Variants in TENM1 observed in about 807,000 individuals in gnomAD.
TENM1 encodes the protein teneurin transmembrane protein 1, also known as teneurin-1.
TENM1 carries 35 observed loss-of-function variants against 174.8 expected under a neutral mutation model. The observed-to-expected ratio is 0.20, with a 90% confidence interval of 0.15 to 0.27. The LOEUF is 0.27. Among genes scored for constraint, TENM1 ranks in the 10% least tolerant of loss-of-function variants. The pLI is 1.00. For missense variants in TENM1, 1,633 were observed against 2,130.1 expected, an observed-to-expected ratio of 0.77 and a Z score of 4.59; for synonymous variants, 781 against 798.7, an observed-to-expected ratio of 0.98 and a Z score of 0.37.
chrX:124,949,295 G>A (rs1012073007), intron 1 of TENM1, among the ~76,000 whole-genome samples: 1 of 111,899 alleles, frequency 8.9e-6, no homozygotes, highest in Non-Finnish European at 1.9e-5. Context: ...GCACCACAGC[G>A]AGGAAACATC....
chrX:124,437,674 C>A (rs2147796451), intron 23 of TENM1, among the ~76,000 whole-genome samples: 1 of 111,977 alleles, frequency 8.9e-6, no homozygotes, highest in East Asian at 2.8e-4. Context: ...TAGATATTTA[C>A]TATTAAATTT....
intron 18 of TENM1, among the ~76,000 whole-genome samples, chrX:124,514,395 A>C (rs1194114820): frequency 2.7e-5 from 3 of 111,524 alleles, no homozygotes; most frequent in Non-Finnish European, 5.7e-5. Flanking sequence ...ACTATTTAAA[A>C]GATCAAAAAA....
At chrX:125,147,007 TACAC>T in the TENM1 span, among the ~76,000 whole-genome samples, 2 of 110,490 alleles carry the variant, frequency 1.8e-5, no homozygotes, top group Non-Finnish European at 3.8e-5. Flanking sequence ...ATATGAAATA[TACAC>T]ACACATACAA....
intron 20 of TENM1, among the ~76,000 whole-genome samples, chrX:124,488,525 T>C (rs1954960455): frequency 1.8e-5 from 2 of 112,379 alleles, no homozygotes; most frequent in African/African-American, 6.5e-5. Context: ...GTAGGTATCC[T>C]GTGGGTTGAA....
chrX:124,548,654 C>G (rs900520788), intron 14 of TENM1, among the ~76,000 whole-genome samples: 1 of 111,611 alleles, frequency 9.0e-6, no homozygotes, highest in African/African-American at 3.3e-5. Context: ...TCTTGGCTTG[C>G]CTTGGAATAG....
At chrX:124,594,411 T>A (rs2049840434) in intron 11 of TENM1, among the ~76,000 whole-genome samples, 1 of 110,722 alleles carries the variant, frequency 9.0e-6, no homozygotes, top group African/African-American at 3.3e-5. Flanking sequence ...AATAGCCAAA[T>A]GCCATAGAGT....
At chrX:124,846,732 T>C (rs1384834096) in intron 3 of TENM1, among the ~76,000 whole-genome samples, 2 of 111,455 alleles carry the variant, frequency 1.8e-5, no homozygotes, top group Non-Finnish European at 3.8e-5. Flanking sequence ...AAATAATCTT[T>C]TGAAAAAAGA....
Position 124,807,916 on chromosome X carries a change from C to CACACACACACACAA in TENM1, c.536-70720_536-70719insTTGTGTGTGTGTGT, listed in dbSNP as rs746369843. ...ACACACACACACACACACACACACA[C>CACACACACACACAA]ACAGAGGAAGGAAGGTACCAAAGAA... On this transcript the variant is annotated intron_variant, in intron 3 of 31. Transcript: ENST00000422452. Among the ~76,000 whole-genome samples the CACACACACACACAA allele has an allele frequency of 4.0e-3, 430 of 106,893 alleles. 6 individuals are homozygous for CACACACACACACAA. Among genetic ancestry groups the CACACACACACACAA allele is most frequent in the African/African-American group, 0.014 (405 of 28,847 alleles). 92.8% of individuals were successfully genotyped at this position (106,893 alleles called of 115,157 possible).
intron 1 of TENM1, among the ~76,000 whole-genome samples, chrX:124,935,620 C>A (rs1246743341): frequency 8.9e-6 from 1 of 112,855 alleles, no homozygotes; most frequent in Non-Finnish European, 1.9e-5. Flanking sequence ...AGAGACCCAA[C>A]AAATGTTTAC....
chrX:124,576,866 A>G (rs2049177296), intron 11 of TENM1, among the ~76,000 whole-genome samples: 1 of 111,531 alleles, frequency 9.0e-6, no homozygotes, highest in African/African-American at 3.3e-5. Flanking sequence ...AATTTTTGTT[A>G]GTCCCCTTAA....
intron 11 of TENM1, among the ~76,000 whole-genome samples, chrX:124,567,999 T>C (rs2048977943): frequency 8.9e-6 from 1 of 112,180 alleles, no homozygotes; most frequent in South Asian, 3.7e-4. Context: ...CTGATTTCTG[T>C]TTGAAAAGTA....
chrX:124,712,783 T>C (rs2053090531), intron 4 of TENM1, among the ~76,000 whole-genome samples: 1 of 111,987 alleles, frequency 8.9e-6, no homozygotes, highest in African/African-American at 3.2e-5. Context: ...CACCCGCCCT[T>C]GAACATCTTT....
In TENM1 at chrX:124,646,820, C is replaced by T. The variant is rs747818240; in HGVS notation, c.1580-10G>A. 7.2e-6 allele frequency: 8 copies of T among 1,115,995 alleles called. No homozygotes were observed. The East Asian group carries it at 1.8e-4, about 25-fold the overall frequency. 92.0% of individuals were successfully genotyped at this position (1,115,995 alleles called of 1,213,427 possible). On this transcript the variant is annotated splice_polypyrimidine_tract_variant and intron_variant, in intron 8 of 31. Transcript: ENST00000422452. Reference sequence around the variant, plus strand: ...CAGTCATCCATTATTTCTAGTAATACAGAGAAAAAGATAAAAAAAATGAAC... The same window carrying T: ...CAGTCATCCATTATTTCTAGTAATATAGAGAAAAAGATAAAAAAAATGAAC...
intron 4 of TENM1, among the ~76,000 whole-genome samples, chrX:124,734,259 A>G (rs1313487274): frequency 2.7e-5 from 3 of 111,095 alleles, no homozygotes; most frequent in Non-Finnish European, 3.8e-5. Context: ...AGACCAGTCT[A>G]GCCAATATGG....
intron 3 of TENM1, among the ~76,000 whole-genome samples, chrX:124,812,923 C>T (rs1273442398): frequency 9.1e-6 from 1 of 110,286 alleles, no homozygotes; most frequent in African/African-American, 3.3e-5. Context: ...ACAGGTATAG[C>T]TTGCTTTTTC....
intron 1 of TENM1, among the ~76,000 whole-genome samples, chrX:124,930,285 A>C (rs2147713343): frequency 8.9e-6 from 1 of 112,288 alleles, no homozygotes; most frequent in Admixed American, 9.4e-5. Context: ...ACACAAAGTA[A>C]AAATTCAATT....
the TENM1 span, among the ~76,000 whole-genome samples, chrX:125,169,557 A>T: frequency 9.0e-4 from 100 of 111,374 alleles, 1 homozygote; most frequent in South Asian, 6.8e-3. Flanking sequence ...GATACATTTA[A>T]TAGTCTTCAT....
intron 22 of TENM1, among the ~76,000 whole-genome samples, chrX:124,457,448 G>C (rs2061122604): frequency 1.8e-5 from 2 of 111,968 alleles, no homozygotes; most frequent in Middle Eastern, 4.6e-3. Context: ...CTGAACTGCA[G>C]GCTCTTTTCT....
chrX:124,933,151 TCTG>T (rs1395855738), intron 1 of TENM1, among the ~76,000 whole-genome samples: 1 of 112,233 alleles, frequency 8.9e-6, no homozygotes, highest in Non-Finnish European at 1.9e-5. Context: ...AAAATTAACC[TCTG>T]CTTTTCATGA....
Sources: gnomAD v4.1 joint callset for allele counts (sites outside exome capture counted in the v4.1 genomes callset) on GRCh38, gnomAD v4.1.1 for gene constraint, MANE v1.5 for transcripts, NCBI Gene and HGNC (gene_info 2026-07-23, HGNC 2026-07-21) for gene names.